Variants in SOX6 observed in about 807,000 individuals in gnomAD.
The protein encoded by SOX6 is transcription factor SOX-6.
Under a neutral mutation model 97.8 loss-of-function variants are expected in SOX6, and 11 were observed. The observed-to-expected ratio is 0.11, with a 90% CI of 0.07 to 0.19. The LOEUF is 0.19. SOX6 is among the 10% of genes least tolerant of loss of function. The pLI is 1.00. For missense variants in SOX6, 810 were observed against 1,039.5 expected, an observed-to-expected ratio of 0.78 and a Z score of 3.04; for synonymous variants, 360 against 371.4, an observed-to-expected ratio of 0.97 and a Z score of 0.35.
intron 4 of SOX6, among the ~76,000 whole-genome samples, chr11:16,501,706 A>T (rs952575380): frequency 3.7e-4 from 56 of 152,236 alleles, no homozygotes; most frequent in African/African-American, 1.2e-3. Flanking sequence ...AAGACACATG[A>T]ACAAATGCTC....
chr11:16,449,104 C>T (rs1183599024), intron 1 of SOX6, among the ~76,000 whole-genome samples: 1 of 151,932 alleles, frequency 6.6e-6, no homozygotes, highest in Non-Finnish European at 1.5e-5. Context: ...CTACTCTTAC[C>T]TGTACTACCA....
At chr11:16,038,255 C>A (rs1855567833) in intron 12 of SOX6, among the ~76,000 whole-genome samples, 1 of 152,044 alleles carries the variant, frequency 6.6e-6, no homozygotes, top group South Asian at 2.1e-4. Flanking sequence ...TGGACCAATT[C>A]TCCAAGAGTA....
intron 6 of SOX6, among the ~76,000 whole-genome samples, chr11:16,151,881 A>G (rs1850466910): frequency 6.6e-6 from 1 of 152,224 alleles, no homozygotes; most frequent in Non-Finnish European, 1.5e-5. Flanking sequence ...CAACTGCTAA[A>G]TAACAAATTC....
intron 1 of SOX6, among the ~76,000 whole-genome samples, chr11:16,461,112 T>C (rs1018114586): frequency 2.0e-5 from 3 of 152,120 alleles, no homozygotes; most frequent in Non-Finnish European, 4.4e-5. Flanking sequence ...ACAAGAGATA[T>C]TTAGTACAAT....
intron 10 of SOX6, among the ~76,000 whole-genome samples, chr11:16,050,689 A>T (rs1434165671): frequency 1.3e-5 from 2 of 152,216 alleles, no homozygotes; most frequent in Non-Finnish European, 2.9e-5. Flanking sequence ...TCACTGAGAC[A>T]GTATTCAAAT....
intron 12 of SOX6, among the ~76,000 whole-genome samples, chr11:16,027,211 C>T (rs1590140575): frequency 6.6e-6 from 1 of 152,070 alleles, no homozygotes; most frequent in African/African-American, 2.4e-5. Context: ...AATGTCACAG[C>T]ATTTGCAGGA....
intron 9 of SOX6, among the ~76,000 whole-genome samples, chr11:16,062,158 A>C (rs1371724914): frequency 1.3e-5 from 2 of 151,534 alleles, no homozygotes; most frequent in East Asian, 3.9e-4. Flanking sequence ...TTCTAATACA[A>C]ATTATACTGT....
intron 15 of SOX6, among the ~76,000 whole-genome samples, chr11:15,978,712 T>G (rs1853568294): frequency 6.8e-6 from 1 of 147,102 alleles, no homozygotes; most frequent in South Asian, 2.1e-4. Context: ...AGCCCTTCGC[T>G]CCTAAATTCT....
intron 6 of SOX6, among the ~76,000 whole-genome samples, chr11:16,171,368 T>C (rs80191660): frequency 6.6e-6 from 1 of 152,168 alleles, no homozygotes; most frequent in East Asian, 1.9e-4. Flanking sequence ...TTCTCCACAA[T>C]TGGTTTCATT....
intron 3 of SOX6, among the ~76,000 whole-genome samples, chr11:16,284,311 T>C (rs1854668009): frequency 6.6e-6 from 1 of 152,172 alleles, no homozygotes; most frequent in Admixed American, 6.6e-5. Context: ...TTGCAAATGT[T>C]ATTGTCATTT....
chr11:16,356,568 GA>G (rs377198325), upstream of SOX6, among the ~76,000 whole-genome samples: 22 of 152,228 alleles, frequency 1.4e-4, no homozygotes, highest in African/African-American at 5.1e-4. Context: ...GAGCACAGGG[GA>G]AGGAAAACAG....
intron 6 of SOX6, among the ~76,000 whole-genome samples, chr11:16,136,693 C>T (rs1359180327): frequency 6.6e-6 from 1 of 152,196 alleles, no homozygotes; most frequent in African/African-American, 2.4e-5. Flanking sequence ...GCCTCAGCCT[C>T]CTACAGTGCT....
intron 6 of SOX6, among the ~76,000 whole-genome samples, chr11:16,113,060 T>C: frequency 6.6e-6 from 1 of 152,160 alleles, no homozygotes; most frequent in East Asian, 1.9e-4. Flanking sequence ...AATCTTCTCT[T>C]TAGGCAAAAT....
intron 3 of SOX6, among the ~76,000 whole-genome samples, chr11:16,644,194 C>T (rs983249903): frequency 4.6e-5 from 7 of 152,160 alleles, no homozygotes; most frequent in African/African-American, 1.7e-4. Context: ...GCATGTGCCA[C>T]CACACCTGCT....
chr11:16,230,335 G>T (rs904640109), intron 4 of SOX6, among the ~76,000 whole-genome samples: 6 of 149,766 alleles, frequency 4.0e-5, no homozygotes, highest in Non-Finnish European at 8.9e-5. Flanking sequence ...TGGGAGTTGG[G>T]TAGCAAAGAG....
At chr11:16,039,020 T>C (rs575724521) in intron 12 of SOX6, among the ~76,000 whole-genome samples, 2 of 152,266 alleles carry the variant, frequency 1.3e-5, no homozygotes, top group Admixed American at 6.5e-5. Flanking sequence ...TTGTAACACA[T>C]TTCCTTTTTG....
At chr11:16,217,918 T>A (rs563841062) in intron 4 of SOX6, among the ~76,000 whole-genome samples, 19 of 152,296 alleles carry the variant, frequency 1.2e-4, no homozygotes, top group African/African-American at 4.1e-4. Flanking sequence ...ACAGCTGCAC[T>A]GCTGTAGCAC....
chr11:16,061,760 C>T (rs567811626), intron 9 of SOX6, among the ~76,000 whole-genome samples: 88 of 151,808 alleles, frequency 5.8e-4, no homozygotes, highest in African/African-American at 2.1e-3. Flanking sequence ...GCCAGCTGAT[C>T]TTTGACAAAA....
rs1028490086 is a variant in SOX6, at chr11:16,610,916, G to A, written n.609+1165C>T. 6.6e-5 allele frequency among the ~76,000 whole-genome samples: 10 copies of A among 152,212 alleles called. No homozygotes were observed. Among genetic ancestry groups the A allele is most frequent in the African/African-American group, 2.4e-4 (10 of 41,464 alleles). On this transcript the variant is annotated intron_variant and non_coding_transcript_variant, in intron 4 of 5. Coordinates refer to the SOX6 transcript ENST00000524520. This position sits in a 1 kb window ranked among gnomAD's most constrained non-coding sequence, Gnocchi z 4.4. ...AGAGGGCACCCAGGCACGGTGGCCA[G>A]ATCCAGGAACTCATAAGCTCACATC...
Sources: allele counts gnomAD v4.1 joint callset (sites outside exome capture counted in the v4.1 genomes callset), GRCh38; gene constraint gnomAD v4.1.1; non-coding constraint Gnocchi (gnomAD v3.1); transcripts MANE v1.5; gene names NCBI Gene and HGNC (gene_info 2026-07-23, HGNC 2026-07-21).